Variants in TTC29 observed in about 807,000 individuals in gnomAD.
TTC29 encodes tetratricopeptide repeat protein 29.
A neutral mutation model predicts 58.1 loss-of-function variants in TTC29; 49 were observed. That is an observed-to-expected ratio of 0.84 (90% confidence interval 0.67 to 1.07). TTC29 has a LOEUF of 1.07. TTC29 is among the 50% of genes least tolerant of loss of function. TTC29 has a pLI of 0.00. For synonymous variants in TTC29, 209 were observed against 196.8 expected (o/e 1.06, Z -0.52); for missense variants, 582 against 555.6 (o/e 1.05, Z -0.48).
intron 11 of TTC29, among the ~76,000 whole-genome samples, chr4:146,790,196 T>C (rs898829516): frequency 3.3e-5 from 5 of 151,798 alleles, no homozygotes; most frequent in African/African-American, 1.2e-4. Context: ...TTTTTTTTTT[T>C]CTTTTTTTTT....
At chr4:146,786,089 C>T (rs1361699346) in intron 11 of TTC29, among the ~76,000 whole-genome samples, 1 of 152,000 alleles carries the variant, frequency 6.6e-6, no homozygotes, top group East Asian at 1.9e-4. Flanking sequence ...ACCTAAGAGG[C>T]TTGATACTAG....
At chr4:146,931,218 T>C (rs1735314902) in intron 4 of TTC29, among the ~76,000 whole-genome samples, 1 of 152,208 alleles carries the variant, frequency 6.6e-6, no homozygotes, top group East Asian at 1.9e-4. Context: ...ATTATAAGTT[T>C]GAAATATATG....
chr4:146,813,525 A>T (rs1302356626), intron 10 of TTC29, among the ~76,000 whole-genome samples: 1 of 152,132 alleles, frequency 6.6e-6, no homozygotes, highest in Non-Finnish European at 1.5e-5. Context: ...TAACTCCAAT[A>T]TTTTTCCAAT....
chr4:146,793,629 C>T (rs1189661963), intron 11 of TTC29, among the ~76,000 whole-genome samples: 1 of 152,008 alleles, frequency 6.6e-6, no homozygotes, highest in African/African-American at 2.4e-5. Context: ...CAAGGTATGC[C>T]TCTATTTGGC....
chr4:146,815,846 C>T (rs1253287770), intron 10 of TTC29, among the ~76,000 whole-genome samples: 1 of 152,136 alleles, frequency 6.6e-6, no homozygotes. Context: ...GGGCAAAAAA[C>T]ACAACTTTTT....
intron 10 of TTC29, among the ~76,000 whole-genome samples, chr4:146,805,098 T>C (rs1750508903): frequency 6.6e-6 from 1 of 152,140 alleles, no homozygotes; most frequent in African/African-American, 2.4e-5. Context: ...AAACAGGGTC[T>C]GGAGTGCACC....
intron 11 of TTC29, among the ~76,000 whole-genome samples, chr4:146,753,918 G>A (rs555532623): frequency 2.6e-5 from 4 of 151,962 alleles, no homozygotes; most frequent in Non-Finnish European, 5.9e-5. Flanking sequence ...GTGGGGGAAG[G>A]GGGGAGGGAT....
intron 6 of TTC29, among the ~76,000 whole-genome samples, chr4:146,875,306 C>T (rs1313345318): frequency 6.6e-6 from 1 of 152,250 alleles, no homozygotes; most frequent in East Asian, 1.9e-4. Flanking sequence ...ATTTAATCCT[C>T]AAAACAATCC....
chr4:146,934,584 T>C (rs566538675), intron 4 of TTC29, among the ~76,000 whole-genome samples: 2 of 152,160 alleles, frequency 1.3e-5, no homozygotes, highest in Non-Finnish European at 2.9e-5. Context: ...TGCTAATGTT[T>C]AAAGCTGTAA....
intron 11 of TTC29, among the ~76,000 whole-genome samples, chr4:146,778,058 G>T (rs970008091): frequency 1.3e-5 from 2 of 152,162 alleles, no homozygotes; most frequent in African/African-American, 4.8e-5. Context: ...ATGAACTGTA[G>T]TTCATGGATT....
At chr4:146,928,353 T>C (rs1483403721) in intron 4 of TTC29, among the ~76,000 whole-genome samples, 1 of 152,190 alleles carries the variant, frequency 6.6e-6, no homozygotes, top group Non-Finnish European at 1.5e-5. Context: ...ATAAATACTT[T>C]TTGTGAATTA....
chr4:146,725,889 TAG>T (rs1321912614), intron 11 of TTC29, among the ~76,000 whole-genome samples: 1 of 152,128 alleles, frequency 6.6e-6, no homozygotes, highest in Non-Finnish European at 1.5e-5. Context: ...TCTATATTTT[TAG>T]AGTCAGGGTC....
At chr4:146,731,992 G>A (rs1238988815) in intron 11 of TTC29, among the ~76,000 whole-genome samples, 1 of 152,132 alleles carries the variant, frequency 6.6e-6, no homozygotes, top group Non-Finnish European at 1.5e-5. Context: ...GCTTACATGA[G>A]TAGTATACTT....
At chr4:146,857,277 A>AGTGTGTGTGTGTGTGTGTGTGTGTGT (rs70958531) in intron 8 of TTC29, among the ~76,000 whole-genome samples, 2,340 of 149,322 alleles carry the variant, frequency 0.016, 25 homozygotes, top group Middle Eastern at 0.027. Flanking sequence ...CTAGTGGAAG[A>AGTGTGTGTGTGTGTGTGTGTGTGTGT]GTGTGTGTGT....
At chr4:146,929,543 T>A (rs1363941202) in intron 4 of TTC29, among the ~76,000 whole-genome samples, 1 of 152,220 alleles carries the variant, frequency 6.6e-6, no homozygotes, top group East Asian at 1.9e-4. Flanking sequence ...TTTATATACA[T>A]GTCTAAGTCG....
chr4:146,940,956 A>G (rs990156468), intron 2 of TTC29, among the ~76,000 whole-genome samples: 21 of 152,250 alleles, frequency 1.4e-4, no homozygotes, highest in Non-Finnish European at 2.9e-4. Context: ...TCATTATAAT[A>G]AAAGAATATG....
chr4:146,829,010 TA>T (rs1250586144), intron 9 of TTC29, among the ~76,000 whole-genome samples: 1 of 152,190 alleles, frequency 6.6e-6, no homozygotes, highest in Non-Finnish European at 1.5e-5. Context: ...TTGTATAAGT[TA>T]AAGGACAAGG....
At chr4:146,755,143 A>G (rs957074441) in intron 11 of TTC29, among the ~76,000 whole-genome samples, 1 of 151,782 alleles carries the variant, frequency 6.6e-6, no homozygotes, top group African/African-American at 2.4e-5. Context: ...ATAATAGCAT[A>G]AAAAAACATA....
chr4:146,937,680 A>C lies in TTC29; in HGVS notation c.93-3T>G, dbSNP rs1162354776. The C allele has an allele frequency of 6.9e-7, 1 of 1,459,626 alleles. No individual in the cohort carries two copies. Among genetic ancestry groups the C allele is most frequent in the Non-Finnish European group, 9.3e-7 (1 of 1,079,306 alleles). The allele number at this position is 1,459,626 out of a possible 1,614,324, so 90.4% of individuals were successfully genotyped here. ...CTTTTTCTTTGATCAATTGAGACCT[A>C]AATGAAATAGAAAGAAATAATAAAG... On this transcript the variant is annotated splice_region_variant and splice_polypyrimidine_tract_variant and intron_variant, in intron 3 of 12. Coordinates refer to ENST00000325106, the MANE Select transcript of TTC29 (RefSeq NM_031956.4).
Sources: allele counts gnomAD v4.1 joint callset (sites outside exome capture counted in the v4.1 genomes callset), GRCh38; gene constraint gnomAD v4.1.1; transcripts MANE v1.5; gene names NCBI Gene and HGNC (gene_info 2026-07-23, HGNC 2026-07-21).